NMU: variants seen among roughly 807,000 people sequenced by gnomAD.
NMU encodes the protein neuromedin U.
NMU carries 29 observed loss-of-function variants against 35.4 expected under a neutral mutation model. The ratio of observed to expected loss-of-function variants is 0.82; its 90% CI spans 0.61 to 1.12. NMU has a LOEUF of 1.12. Among genes scored for constraint, NMU ranks in the 50% most tolerant of loss-of-function variants. The probability of loss-of-function intolerance (pLI) is 0.00; values close to 1 mark genes in which losing one functional copy is unlikely to be tolerated. For synonymous variants in NMU, 78 were observed against 81.3 expected, an observed-to-expected ratio of 0.96 and a Z score of 0.22; for missense variants, 199 against 206.2, an observed-to-expected ratio of 0.97 and a Z score of 0.21.
chr4:55,603,904 T>A (rs1453212704), intron 7 of NMU, among the ~76,000 whole-genome samples: 1 of 63,688 alleles, frequency 1.6e-5, no homozygotes, highest in Non-Finnish European at 3.1e-5. Flanking sequence ...AGAGCAAGAG[T>A]CCGTCTCAAA....
intron 3 of NMU, among the ~76,000 whole-genome samples, chr4:55,613,141 G>A (rs1029827345): frequency 1.3e-5 from 2 of 152,200 alleles, no homozygotes; most frequent in African/African-American, 4.8e-5. Flanking sequence ...AGTAGATACC[G>A]AGGCCTACTT....
At chr4:55,618,638 C>G (rs988156592) in intron 2 of NMU, among the ~76,000 whole-genome samples, 1 of 144,298 alleles carries the variant, frequency 6.9e-6, no homozygotes, top group Non-Finnish European at 1.5e-5. Context: ...TCTTTCTTTT[C>G]TTCTCTCTTT....
At chr4:55,619,585 G>T (rs1234402430) in intron 2 of NMU, among the ~76,000 whole-genome samples, 2 of 138,034 alleles carry the variant, frequency 1.4e-5, no homozygotes, top group South Asian at 5.5e-4. Flanking sequence ...GCGAGGCTGG[G>T]GGAGGGGCGC....
chr4:55,625,070 A>G (rs1734465144), intron 2 of NMU, among the ~76,000 whole-genome samples: 1 of 109,764 alleles, frequency 9.1e-6, no homozygotes, highest in East Asian at 3.2e-4. Context: ...CTAATGCTAG[A>G]TGACGCGTTA....
intron 3 of NMU, among the ~76,000 whole-genome samples, chr4:55,612,526 T>A (rs559156204): frequency 6.6e-6 from 1 of 152,258 alleles, no homozygotes; most frequent in Admixed American, 6.5e-5. Context: ...AATAAACACG[T>A]ATGGCTGATT....
intron 9 of NMU, among the ~76,000 whole-genome samples, 186 bp from the exon 10 acceptor site, chr4:55,595,597 G>A (rs1733141370): frequency 1.5e-5 from 2 of 130,476 alleles, no homozygotes; most frequent in Middle Eastern, 3.6e-3. Flanking sequence ...CACACAGACA[G>A]AAGAAATATA....
intron 3 of NMU, among the ~76,000 whole-genome samples, chr4:55,613,102 C>T (rs1033794726): frequency 2.0e-5 from 3 of 152,012 alleles, no homozygotes; most frequent in African/African-American, 7.2e-5. Flanking sequence ...GAGCTAAACA[C>T]GGATGCACGT....
intron 2 of NMU, among the ~76,000 whole-genome samples, chr4:55,628,429 T>C (rs936626894): frequency 6.6e-5 from 10 of 152,118 alleles, no homozygotes; most frequent in African/African-American, 9.7e-5. Context: ...AGAACAAATA[T>C]ATGGTTTTGT....
chr4:55,596,495 AT>A (rs1357058694), intron 9 of NMU, among the ~76,000 whole-genome samples: 1 of 151,920 alleles, frequency 6.6e-6, no homozygotes, highest in East Asian at 1.9e-4. Flanking sequence ...ATTTAATAAA[AT>A]TTTTAAATGC....
At chr4:55,627,115 A>G (rs1734562113) in intron 2 of NMU, among the ~76,000 whole-genome samples, 1 of 152,174 alleles carries the variant, frequency 6.6e-6, no homozygotes, top group South Asian at 2.1e-4. Flanking sequence ...GCAGTCAGAA[A>G]CTATAAATTT....
intron 1 of NMU, among the ~76,000 whole-genome samples, chr4:55,632,652 A>C (rs545761703): frequency 1.3e-5 from 2 of 152,312 alleles, no homozygotes; most frequent in South Asian, 4.1e-4. Context: ...TCAAATTTCC[A>C]TATAAAACAC....
At chr4:55,605,183 G>T in intron 7 of NMU, 92 bp downstream of exon 7, 1 of 862,340 alleles carries the variant, frequency 1.2e-6, no homozygotes, top group Non-Finnish European at 2.0e-6. Flanking sequence ...ATCCTGAAGA[G>T]CAGCATTTGA....
rs571885952 is a variant in NMU at position 55,607,549 on chromosome 4, C to T, written c.280-83G>A. 1.9e-5 allele frequency: 10 copies of T among 515,978 alleles called. No individual in the cohort carries two copies. In the East Asian group the frequency reaches 3.4e-4, roughly 17 times the overall value. 32.0% of individuals were successfully genotyped at this position (515,978 alleles called of 1,614,324 possible). A position where few individuals can be genotyped will look rare whatever the true frequency, so the allele number is the denominator to read the frequency against. On this transcript the variant is annotated intron_variant, in intron 4 of 9. Transcript: ENST00000264218. ...ATACAGTAATTTTATAATGTTATAACACATAATTATTTAAAACACATGACT... is the reference window on the plus strand; with the variant it reads ...ATACAGTAATTTTATAATGTTATAATACATAATTATTTAAAACACATGACT...
At chr4:55,636,733 GTTTA>G (rs1715945739), upstream of NMU, 2 of 152,612 alleles carry the variant, frequency 1.3e-5, no homozygotes, top group South Asian at 4.1e-4. This position sits in a 1 kb window ranked among gnomAD's most constrained non-coding sequence, Gnocchi z 4.0. Context: ...TTGTTCCCCG[GTTTA>G]TCCCCAGTTC....
At chr4:55,603,445 T>C (rs1420068361) in intron 7 of NMU, among the ~76,000 whole-genome samples, 2 of 152,122 alleles carry the variant, frequency 1.3e-5, no homozygotes, top group Non-Finnish European at 2.9e-5. Context: ...ATTTTGTACT[T>C]TCTCTTACTA....
At chr4:55,630,189 A>G (rs1228300906) in intron 2 of NMU, among the ~76,000 whole-genome samples, 1 of 152,058 alleles carries the variant, frequency 6.6e-6, no homozygotes, top group Non-Finnish European at 1.5e-5. Context: ...ACTCTATTAT[A>G]TCCTATTATT....
chr4:55,608,980 A>G (rs1021265018), intron 4 of NMU, 140 bp downstream of exon 4: 19 of 699,066 alleles, frequency 2.7e-5, no homozygotes, highest in Non-Finnish European at 4.9e-5. Context: ...AACCTGAAGT[A>G]TTTCTTATCC....
rs780747040 is a variant in NMU at position 55,605,354 on chromosome 4, G to C, written c.361-5C>G. 6.2e-7 allele frequency: 1 copy of C among 1,609,426 alleles called. No homozygotes were observed. The highest frequency in any genetic ancestry group is 8.5e-7 in the Non-Finnish European group (1 of 1,175,666). On this transcript the variant is annotated splice_polypyrimidine_tract_variant and splice_region_variant and intron_variant, in intron 6 of 9. Transcript: ENST00000264218. ...CAACGGATGCACAACTGACGACTGA[G>C]AGGACATGAACACACACGTGAATAA...
chr4:55,603,939 A>ATATGTGTATATATGTG, intron 7 of NMU, among the ~76,000 whole-genome samples: 1 of 63,850 alleles, frequency 1.6e-5, no homozygotes, highest in East Asian at 5.8e-4. Context: ...ATATATATAT[A>ATATGTGTATATATGTG]TATATATGTA....
Sources: allele counts gnomAD v4.1 joint callset (sites outside exome capture counted in the v4.1 genomes callset), GRCh38; gene constraint gnomAD v4.1.1; non-coding constraint Gnocchi (gnomAD v3.1); transcripts MANE v1.5; gene names NCBI Gene and HGNC (gene_info 2026-07-23, HGNC 2026-07-21).